Variants in DGKI observed in about 807,000 individuals in gnomAD.
DGKI encodes diacylglycerol kinase iota.
A neutral mutation model predicts 147.5 loss-of-function variants in DGKI; 55 were observed. The ratio of observed to expected loss-of-function variants is 0.37; its 90% confidence interval spans 0.30 to 0.47. DGKI has a LOEUF of 0.47. DGKI is among the 20% of genes least tolerant of loss of function. The pLI is 1.00. For missense variants in DGKI, 1,007 were observed against 1,323.8 expected, an observed-to-expected ratio of 0.76 and a Z score of 3.71; for synonymous variants, 469 against 477.1, an observed-to-expected ratio of 0.98 and a Z score of 0.22.
intron 21 of DGKI, among the ~76,000 whole-genome samples, chr7:137,516,658 TTA>T (rs1169989476): frequency 6.6e-6 from 1 of 152,010 alleles, no homozygotes; most frequent in Non-Finnish European, 1.5e-5. Flanking sequence ...ACTGAATAAA[TTA>T]TGTTATAATG....
intron 1 of DGKI, among the ~76,000 whole-genome samples, chr7:137,736,078 C>T (rs1795012767): frequency 6.6e-6 from 1 of 152,066 alleles, no homozygotes; most frequent in Non-Finnish European, 1.5e-5. Flanking sequence ...CATTGGTAAA[C>T]ACAGTGTTTA....
intron 6 of DGKI, among the ~76,000 whole-genome samples, chr7:137,626,363 A>G (rs1446293343): frequency 6.7e-6 from 1 of 148,564 alleles, no homozygotes; most frequent in Non-Finnish European, 1.5e-5. Context: ...ACACACACAC[A>G]CGGACTTAAG....
intron 20 of DGKI, among the ~76,000 whole-genome samples, chr7:137,548,726 G>A (rs560110685): frequency 4.6e-4 from 70 of 152,314 alleles, no homozygotes; most frequent in Middle Eastern, 6.8e-3. Flanking sequence ...CCAGCACTTT[G>A]GGAGGCTGAG....
intron 28 of DGKI, among the ~76,000 whole-genome samples, chr7:137,426,186 C>T (rs1039890984): frequency 1.3e-5 from 2 of 152,200 alleles, no homozygotes; most frequent in Admixed American, 6.5e-5. Context: ...GCCCATCAGA[C>T]TAACAGCGGA....
At chr7:137,566,208 T>C (rs1020428988) in intron 19 of DGKI, among the ~76,000 whole-genome samples, 1 of 152,142 alleles carries the variant, frequency 6.6e-6, no homozygotes, top group African/African-American at 2.4e-5. Context: ...CAAAAATATA[T>C]ACACATATAC....
At chr7:137,498,900 A>C (rs1294834970) in intron 21 of DGKI, among the ~76,000 whole-genome samples, 1 of 152,178 alleles carries the variant, frequency 6.6e-6, no homozygotes, top group Non-Finnish European at 1.5e-5. Flanking sequence ...TAATATATTC[A>C]TTTGATAGCT....
At chr7:137,654,248 G>C (rs576159393) in intron 5 of DGKI, among the ~76,000 whole-genome samples, 3 of 152,070 alleles carry the variant, frequency 2.0e-5, no homozygotes, top group African/African-American at 7.2e-5. Flanking sequence ...TAGGTGAGAC[G>C]CCCAAGATCA....
At chr7:137,621,610 T>C (rs920692144) in intron 7 of DGKI, among the ~76,000 whole-genome samples, 2 of 152,214 alleles carry the variant, frequency 1.3e-5, no homozygotes, top group Non-Finnish European at 2.9e-5. Flanking sequence ...TTGTACCTAT[T>C]ATCCTTACAA....
intron 1 of DGKI, among the ~76,000 whole-genome samples, chr7:137,690,320 C>T (rs903730275): frequency 1.3e-5 from 2 of 151,768 alleles, no homozygotes; most frequent in South Asian, 2.1e-4. Context: ...TGGAAAAAGA[C>T]CTAGGGTTTG....
chr7:137,573,967 C>G (rs3800605), intron 17 of DGKI, among the ~76,000 whole-genome samples: 2 of 152,212 alleles, frequency 1.3e-5, no homozygotes, highest in South Asian at 2.1e-4. Flanking sequence ...GGCGTAAAGC[C>G]TGCTCTCGTA....
intron 1 of DGKI, among the ~76,000 whole-genome samples, chr7:137,737,669 T>G (rs987402736): frequency 6.6e-6 from 1 of 152,158 alleles, no homozygotes; most frequent in African/African-American, 2.4e-5. Context: ...ATACTGTATT[T>G]TGAAATGCCT....
rs76313684 is a variant in DGKI at position 137,533,323 on chromosome 7, C to T, written c.2148-11357G>A. Among the ~76,000 whole-genome samples the T allele has an allele frequency of 7.0e-3, 1,070 of 151,954 alleles. 6 individuals carry two copies. The highest frequency in any genetic ancestry group is 0.024 in the Middle Eastern group (7 of 292). The stretch of plus-strand genomic sequence containing the variant: ...GAAAGTAAATATATAAAATAAATTA[C>T]TTGGATGAAGGAGAAACAAACACAA... On this transcript the variant is annotated intron_variant, in intron 20 of 32. Transcript: ENST00000614521.
chr7:137,633,819 T>C (rs2129002772), intron 6 of DGKI, among the ~76,000 whole-genome samples: 2 of 152,368 alleles, frequency 1.3e-5, no homozygotes, highest in South Asian at 4.1e-4. Context: ...CAGTACATTT[T>C]TACAGGCATG....
intron 1 of DGKI, among the ~76,000 whole-genome samples, chr7:137,742,127 C>A (rs1326548210): frequency 2.6e-5 from 4 of 152,084 alleles, no homozygotes; most frequent in Non-Finnish European, 5.9e-5. Flanking sequence ...TTATAGTGTA[C>A]CTTCTTCCAA....
rs1341366265 is a variant in DGKI, at chr7:137,383,069, A to G, written c.*8151T>C. 6.6e-6 allele frequency: 1 copy of G among 151,952 alleles called. No homozygotes were observed. The highest frequency in any genetic ancestry group is 2.4e-5 in the African/African-American group (1 of 41,410). 9.4% of individuals were successfully genotyped at this position (151,952 alleles called of 1,614,324 possible). A position where few individuals can be genotyped will look rare whatever the true frequency, so the allele number is the denominator to read the frequency against. ...TATAGAATTTCCCACCCTCTTCTCC[A>G]GTCCTGACTCTACATCCCAAACAAC... On this transcript the variant is annotated 3_prime_UTR_variant, in exon 33 of 33. Transcript: ENST00000614521.
intron 1 of DGKI, among the ~76,000 whole-genome samples, chr7:137,691,914 CT>C (rs1197257648): frequency 6.7e-6 from 1 of 149,056 alleles, no homozygotes; most frequent in Non-Finnish European, 1.5e-5. Context: ...TGGTAGCCTA[CT>C]TTCAAAAGCT....
intron 1 of DGKI, among the ~76,000 whole-genome samples, chr7:137,745,630 C>A (rs1185780052): frequency 3.3e-5 from 5 of 152,140 alleles, no homozygotes; most frequent in African/African-American, 1.2e-4. Flanking sequence ...ACCACAATAT[C>A]CCAGTGCTTG....
At chr7:137,595,332 C>T (rs1209008727) in intron 12 of DGKI, among the ~76,000 whole-genome samples, 1 of 152,214 alleles carries the variant, frequency 6.6e-6, no homozygotes, top group Admixed American at 6.5e-5. Context: ...TACCAACTTT[C>T]ACTTACTCAT....
In DGKI at chr7:137,667,689, T is replaced by C. The variant is rs1336392418; in HGVS notation, c.606+10868A>G. Among the ~76,000 whole-genome samples, 3 of 152,240 alleles carry C rather than the reference T, an allele frequency of 2.0e-5. No individual in the cohort carries two copies. In the East Asian group the frequency reaches 5.8e-4, roughly 29 times the overall value. On this transcript the variant is annotated intron_variant, in intron 3 of 32. Transcript: ENST00000614521. ...CTAGTTAAGAAGCGATATCAAGCTG[T>C]GGTAAGTTAGTTATCCTTTCACTGC...
Sources: allele counts gnomAD v4.1 joint callset (sites outside exome capture counted in the v4.1 genomes callset), GRCh38; gene constraint gnomAD v4.1.1; transcripts MANE v1.5; gene names NCBI Gene and HGNC (gene_info 2026-07-23, HGNC 2026-07-21).